The following NECAB1 variants were observed in gnomAD, a reference collection of about 807,000 sequenced individuals.
The protein encoded by NECAB1 is N-terminal EF-hand calcium binding protein 1.
A neutral mutation model predicts 57.5 loss-of-function variants in NECAB1; 29 were observed. That is an observed-to-expected ratio of 0.50 (90% CI 0.38 to 0.69). The LOEUF is 0.69. Ranked by LOEUF, NECAB1 falls within the 30% of genes least tolerant of loss-of-function variation. NECAB1 has a pLI of 0.00. For missense variants in NECAB1, 372 were observed against 413.8 expected, an observed-to-expected ratio of 0.90 and a Z score of 0.88; for synonymous variants, 142 against 147.7, an observed-to-expected ratio of 0.96 and a Z score of 0.28.
intron 5 of NECAB1, among the ~76,000 whole-genome samples, chr8:90,902,530 G>T (rs1213099351): frequency 6.6e-6 from 1 of 152,042 alleles, no homozygotes; most frequent in African/African-American, 2.4e-5. Flanking sequence ...CTCTTCATGT[G>T]TGTATAACAC....
intron 5 of NECAB1, among the ~76,000 whole-genome samples, chr8:90,889,352 G>A (rs375726792): frequency 2.6e-5 from 4 of 152,180 alleles, no homozygotes; most frequent in Non-Finnish European, 4.4e-5. Flanking sequence ...TGTGGATAGC[G>A]ATCTTAAGTT....
chr8:90,940,585 G>T (rs1810644895), intron 9 of NECAB1: 1 of 499,978 alleles, frequency 2.0e-6, no homozygotes, highest in African/African-American at 1.9e-5. Flanking sequence ...TTAGCTTCTG[G>T]GACTAGAGGC....
At chr8:90,819,458 A>G (rs763844066) in intron 2 of NECAB1, among the ~76,000 whole-genome samples, 18 of 151,918 alleles carry the variant, frequency 1.2e-4, no homozygotes, top group Non-Finnish European at 2.2e-4. Flanking sequence ...TCTCACTAGG[A>G]TGGGCTGTGT....
intron 5 of NECAB1, among the ~76,000 whole-genome samples, chr8:90,906,891 A>ATATATATATATATGTATGTGTATATG (rs371995508): frequency 8.8e-6 from 1 of 113,414 alleles, no homozygotes; most frequent in African/African-American, 4.0e-5. Flanking sequence ...ATATATATAT[A>ATATATATATATATGTATGTGTATATG]TATATATATA....
At position 90,957,781 on chromosome 8, in the gene NECAB1, AT is replaced by A. The variant is rs551782970; in HGVS notation, c.*2276del. 4.9e-4 allele frequency: 74 copies of A among 150,766 alleles called. No individual in the cohort carries two copies. Among genetic ancestry groups the A allele is most frequent in the African/African-American group, 1.5e-3 (63 of 41,446 alleles). The allele number at this position is 150,766 out of a possible 1,614,324, so 9.3% of individuals were successfully genotyped here. A position where few individuals can be genotyped will look rare whatever the true frequency, so the allele number is the denominator to read the frequency against. ...AACAATAAGTTTATAGTTAACGAAG[AT>A]TTTTTTCTATTTAAAACCCCATTTT... On this transcript the variant is annotated 3_prime_UTR_variant, in exon 13 of 13. Transcript: ENST00000417640.
At chr8:90,813,532 CATT>C (rs1812004184) in intron 2 of NECAB1, among the ~76,000 whole-genome samples, 2 of 151,462 alleles carry the variant, frequency 1.3e-5, no homozygotes, top group South Asian at 2.1e-4. Context: ...TTATTATTAT[CATT>C]ATTATTTTAG....
rs916661470 is a variant in NECAB1 at position 90,917,034 on chromosome 8, C to T, written c.358-458C>T. Among the ~76,000 whole-genome samples the T allele has an allele frequency of 2.6e-5, 4 of 152,170 alleles. No homozygotes were observed. The East Asian group carries it at 5.8e-4, about 22-fold the overall frequency. Reference sequence around the variant, plus strand: ...TAATACGGATCAAGCATAATAAATACATCAAGAGTGAATTAAGCCAATTGC... The same window carrying T: ...TAATACGGATCAAGCATAATAAATATATCAAGAGTGAATTAAGCCAATTGC... On this transcript the variant is annotated intron_variant, in intron 5 of 12. Coordinates refer to ENST00000417640, the MANE Select transcript of NECAB1 (RefSeq NM_022351.5).
chr8:90,794,839 T>G (rs1047798055), intron 1 of NECAB1, among the ~76,000 whole-genome samples: 1 of 152,230 alleles, frequency 6.6e-6, no homozygotes, highest in African/African-American at 2.4e-5. Context: ...CACAAACTGA[T>G]GCAGGGACTA....
intron 3 of NECAB1, among the ~76,000 whole-genome samples, chr8:90,869,970 A>T (rs1808591775): frequency 6.6e-6 from 1 of 152,092 alleles, no homozygotes; most frequent in Admixed American, 6.5e-5. Flanking sequence ...GTGGGACGTG[A>T]TTGGGTCATG....
In NECAB1 at chr8:90,940,897, C is replaced by G. The variant is rs754282757; in HGVS notation, c.859C>G (p.Arg287Gly). Residue 287 changes from arginine (R) to glycine (G), a missense_variant and splice_region_variant, in exon 10 of 13, where the codon CGT becomes GGT. Arg to Gly is a moderately radical substitution (Grantham distance 125, BLOSUM62 -2). Coordinates refer to ENST00000417640, the MANE Select transcript of NECAB1 (RefSeq NM_022351.5). ...TGCTTCCTCCCAAAGTGGATGCTTG[C>G]GGTAAGTGCTCCGACTCCTGCACCT... ...ESASSQSGCL[R>G]ISIQKLSNES... The G allele has an allele frequency of 6.4e-7, 1 of 1,555,622 alleles. No individual in the cohort carries two copies. Among genetic ancestry groups the G allele is most frequent in the South Asian group, 1.2e-5 (1 of 84,232 alleles).
At position 90,950,798 on chromosome 8, in the gene NECAB1, AGTCT is replaced by A. The variant is rs1810910533; in HGVS notation, c.939-310_939-307del. 2.0e-5 allele frequency among the ~76,000 whole-genome samples: 3 copies of A among 152,184 alleles called. No homozygotes were observed. In the South Asian group the frequency reaches 6.2e-4, roughly 31 times the overall value. On this transcript the variant is annotated intron_variant, in intron 11 of 12. Coordinates refer to ENST00000417640, the MANE Select transcript of NECAB1 (RefSeq NM_022351.5). ...TATTATCTAGAAATGTAAAATATAC[AGTCT>A]GTCTTATTATCTATCTTGTTTTTAA...
intron 5 of NECAB1, among the ~76,000 whole-genome samples, chr8:90,909,641 G>A (rs1809778986): frequency 1.3e-5 from 2 of 149,890 alleles, no homozygotes; most frequent in Admixed American, 6.7e-5. Flanking sequence ...TAAAAGTGTT[G>A]GTTTTGGAAA....
In NECAB1 at chr8:90,791,940, C is replaced by A; in HGVS notation, c.54C>A (p.Leu18=). 1 of 1,552,788 alleles carries A rather than the reference C, an allele frequency of 6.4e-7. No individual in the cohort carries two copies. The highest frequency in any genetic ancestry group is 1.7e-4 in the Middle Eastern group (1 of 5,996). Residue 18 remains leucine, a synonymous_variant, in exon 1 of 13, where the codon CTC becomes CTA. Coordinates refer to ENST00000417640, the MANE Select transcript of NECAB1 (RefSeq NM_022351.5). ...SPSSNNSSEE[L]SSALHLSKGM... Reference sequence around the variant, plus strand: ...CCTCCAACAACTCCTCGGAGGAGCTCAGCTCTGCTCTGCACCTGTCCAAGG... The same window carrying A: ...CCTCCAACAACTCCTCGGAGGAGCTAAGCTCTGCTCTGCACCTGTCCAAGG...
At chr8:90,884,721 C>T (rs199764660) in intron 5 of NECAB1, among the ~76,000 whole-genome samples, 3 of 152,048 alleles carry the variant, frequency 2.0e-5, no homozygotes, top group Middle Eastern at 3.2e-3. Flanking sequence ...CTTTTTAAAC[C>T]GTTTATTTGA....
intron 10 of NECAB1, among the ~76,000 whole-genome samples, chr8:90,945,061 C>A (rs780508875): frequency 6.6e-6 from 1 of 151,880 alleles, no homozygotes; most frequent in Admixed American, 6.6e-5. Context: ...CCATGCCTGG[C>A]TAATTTATTT....
intron 2 of NECAB1, among the ~76,000 whole-genome samples, chr8:90,822,614 T>C (rs1362298975): frequency 6.6e-6 from 1 of 151,836 alleles, no homozygotes; most frequent in Non-Finnish European, 1.5e-5. Flanking sequence ...TTTTATTTGA[T>C]AGAATGCACA....
At chr8:90,891,325 A>G (rs980711340) in intron 5 of NECAB1, among the ~76,000 whole-genome samples, 5 of 152,136 alleles carry the variant, frequency 3.3e-5, no homozygotes, top group African/African-American at 7.2e-5. Context: ...TCTCATATCT[A>G]CTTATTTGTT....
At chr8:90,926,208 T>C (rs905934804) in intron 7 of NECAB1, among the ~76,000 whole-genome samples, 7 of 152,218 alleles carry the variant, frequency 4.6e-5, no homozygotes, top group African/African-American at 1.7e-4. Flanking sequence ...AAACTCATGT[T>C]GCTAAATATT....
At chr8:90,943,206 T>A (rs1292478337) in intron 10 of NECAB1, among the ~76,000 whole-genome samples, 26 of 152,164 alleles carry the variant, frequency 1.7e-4, no homozygotes, top group Non-Finnish European at 3.1e-4. Context: ...AATTCCATTC[T>A]CTCAATAACC....
Sources: gnomAD v4.1 joint callset for allele counts (sites outside exome capture counted in the v4.1 genomes callset) on GRCh38, gnomAD v4.1.1 for gene constraint, MANE v1.5 for transcripts, NCBI Gene and HGNC (gene_info 2026-07-23, HGNC 2026-07-21) for gene names.